Variants in EMP2 observed in about 807,000 individuals in gnomAD.
EMP2 encodes the protein epithelial membrane protein 2.
EMP2 carries 19 observed loss-of-function variants against 13.7 expected under a neutral mutation model. That is an observed-to-expected ratio of 1.38 (90% CI 0.97 to 2.03). The LOEUF (loss-of-function observed/expected upper bound fraction) is 2.03. Among genes scored for constraint, EMP2 ranks in the 30% most tolerant of loss-of-function variants. EMP2 has a pLI of 0.00. For missense variants in EMP2, 253 were observed against 220.7 expected, an observed-to-expected ratio of 1.15 and a Z score of -0.93; for synonymous variants, 97 against 84.7, an observed-to-expected ratio of 1.15 and a Z score of -0.80.
At chr16:10,536,964 T>G (rs1307156003) in intron 4 of EMP2, among the ~76,000 whole-genome samples, 1 of 152,114 alleles carries the variant, frequency 6.6e-6, no homozygotes, top group Non-Finnish European at 1.5e-5. Context: ...GTCACTGCAC[T>G]GCACTGATGA....
intron 1 of EMP2, among the ~76,000 whole-genome samples, chr16:10,579,187 C>A (rs572993098): frequency 7.8e-4 from 119 of 152,244 alleles, no homozygotes; most frequent in African/African-American, 2.7e-3. Context: ...AGGTCGCCAT[C>A]CTTCCCCTTG....
At chr16:10,576,490 C>A (rs1596384340) in intron 1 of EMP2, 1 of 151,986 alleles carries the variant, frequency 6.6e-6, no homozygotes, top group South Asian at 2.1e-4. Context: ...GCTTGTCTGT[C>A]TGTATATCCT....
At chr16:10,553,017 T>C (rs1312868607) in intron 1 of EMP2, among the ~76,000 whole-genome samples, 1 of 152,230 alleles carries the variant, frequency 6.6e-6, no homozygotes, top group Non-Finnish European at 1.5e-5. Flanking sequence ...CTATGACATC[T>C]GGAATTCAGA....
intron 1 of EMP2, among the ~76,000 whole-genome samples, chr16:10,571,820 G>A (rs1402451192): frequency 6.6e-6 from 1 of 152,206 alleles, no homozygotes; most frequent in African/African-American, 2.4e-5. Flanking sequence ...AAGAGACAGA[G>A]GACTGCTCCA....
chr16:10,536,733 A>G (rs2050649949), intron 4 of EMP2, among the ~76,000 whole-genome samples: 1 of 151,556 alleles, frequency 6.6e-6, no homozygotes, highest in Non-Finnish European at 1.5e-5. Context: ...ATGATCTTCC[A>G]CTCCAGCCTC....
chr16:10,578,100 G>C (rs1195808206), intron 1 of EMP2: 1 of 152,140 alleles, frequency 6.6e-6, no homozygotes, highest in Non-Finnish European at 1.5e-5. Context: ...CATCTCGACA[G>C]ACTTCCCTTC....
At chr16:10,563,035 G>A (rs890156906) in intron 1 of EMP2, among the ~76,000 whole-genome samples, 13 of 152,104 alleles carry the variant, frequency 8.5e-5, no homozygotes, top group East Asian at 1.9e-4. Flanking sequence ...TACGTTGCTC[G>A]GGGTGAGGCA....
At chr16:10,560,637 TA>T (rs1354534771) in intron 1 of EMP2, among the ~76,000 whole-genome samples, 1 of 152,202 alleles carries the variant, frequency 6.6e-6, no homozygotes, top group Non-Finnish European at 1.5e-5. Context: ...CAAGGGTGTG[TA>T]AACGGACGGA....
At chr16:10,533,509 T>C (rs763017240) in intron 4 of EMP2, among the ~76,000 whole-genome samples, 1 of 152,146 alleles carries the variant, frequency 6.6e-6, no homozygotes, top group Non-Finnish European at 1.5e-5. Flanking sequence ...GTGAACATAA[T>C]TGGTCTAAGC....
chr16:10,536,473 T>C (rs1006692932), intron 4 of EMP2, among the ~76,000 whole-genome samples: 14 of 152,138 alleles, frequency 9.2e-5, no homozygotes, highest in Admixed American at 3.3e-4. Context: ...CAAGATATGA[T>C]GGTTTTATAA....
intron 1 of EMP2, among the ~76,000 whole-genome samples, chr16:10,575,712 G>A (rs1345613221): frequency 6.6e-6 from 1 of 152,058 alleles, no homozygotes; most frequent in Admixed American, 6.6e-5. Flanking sequence ...GCCTTCCTTT[G>A]GTTCAAGCAA....
At chr16:10,543,225 G>A (rs1287640235) in intron 3 of EMP2, among the ~76,000 whole-genome samples, 4 of 152,204 alleles carry the variant, frequency 2.6e-5, no homozygotes, top group African/African-American at 4.8e-5. Context: ...TTAGAGGCAA[G>A]GCTTGGATAA....
chr16:10,553,225 C>T (rs944589312), intron 1 of EMP2, among the ~76,000 whole-genome samples: 1 of 152,220 alleles, frequency 6.6e-6, no homozygotes, highest in Non-Finnish European at 1.5e-5. Context: ...CGCCACTATT[C>T]CCGACGCCAG....
chr16:10,537,322 T>C (rs2050654951), intron 4 of EMP2, among the ~76,000 whole-genome samples: 2 of 152,252 alleles, frequency 1.3e-5, no homozygotes, highest in South Asian at 4.1e-4. Context: ...CCTCCAGGAC[T>C]GAGGCTGTGC....
intron 1 of EMP2, among the ~76,000 whole-genome samples, chr16:10,552,060 T>C (rs1192013472): frequency 6.6e-6 from 1 of 152,026 alleles, no homozygotes; most frequent in African/African-American, 2.4e-5. Context: ...CCCCTTTGTT[T>C]AGGCCTGCGT....
rs2202421 is a variant in EMP2, at chr16:10,573,254, T to C, written c.-61+7295A>G. Among the ~76,000 whole-genome samples, 858 of 152,240 alleles carry C rather than the reference T, an allele frequency of 5.6e-3. 12 individuals are homozygous for C. The highest frequency in any genetic ancestry group is 0.019 in the African/African-American group (804 of 41,528). ...TTTGTAGAGACAGGGTCTCATTATG[T>C]TGCCCAGGCTGGTCTCAAAACTCCT... On this transcript the variant is annotated intron_variant, in intron 1 of 4. Coordinates refer to ENST00000359543, the MANE Select transcript of EMP2 (RefSeq NM_001424.6).
At chr16:10,575,935 G>C (rs138852331) in intron 1 of EMP2, among the ~76,000 whole-genome samples, 1 of 152,110 alleles carries the variant, frequency 6.6e-6, no homozygotes, top group East Asian at 1.9e-4. Context: ...AGATATTTCA[G>C]GATGAGTCAT....
intron 1 of EMP2, among the ~76,000 whole-genome samples, chr16:10,549,177 C>T (rs550892671): frequency 1.6e-3 from 239 of 152,298 alleles, no homozygotes; most frequent in African/African-American, 5.7e-3. Flanking sequence ...ACTGAGATTT[C>T]AGGGTAATGC....
rs2050662945 is a variant in EMP2 at position 10,538,019 on chromosome 16, G to A, written c.225C>T (p.Cys75=). 6.2e-7 allele frequency: 1 copy of A among 1,614,030 alleles called. No homozygotes were observed. Among genetic ancestry groups the A allele is most frequent in the Admixed American group, 1.7e-5 (1 of 60,002 alleles). Residue 75 remains cysteine (C), a synonymous_variant, in exon 4 of 5, where the codon TGC becomes TGT. Coordinates refer to ENST00000359543, the MANE Select transcript of EMP2 (RefSeq NM_001424.6). ...GCACGAAGATGAAGAAGGCGATGCA[G>A]CAGAGAATGGTGGAGAGGATCATGG... ...QATMILSTIL[C]CIAFFIFVLQ...
Sources: gnomAD v4.1 joint callset for allele counts (sites outside exome capture counted in the v4.1 genomes callset) on GRCh38, gnomAD v4.1.1 for gene constraint, MANE v1.5 for transcripts, NCBI Gene and HGNC (gene_info 2026-07-23, HGNC 2026-07-21) for gene names.